SIPA1L1: variants seen among roughly 807,000 people sequenced by gnomAD.
SIPA1L1 encodes signal-induced proliferation-associated 1-like protein 1.
In SIPA1L1, 26 loss-of-function variants were observed where a neutral mutation model predicts 162.7. That is an observed-to-expected ratio of 0.16 (90% confidence interval 0.12 to 0.22). The LOEUF (loss-of-function observed/expected upper bound fraction) is 0.22. SIPA1L1 is among the 10% of genes least tolerant of loss of function. The probability of loss-of-function intolerance (pLI) is 1.00; values close to 1 mark genes in which losing one functional copy is unlikely to be tolerated. For missense variants in SIPA1L1, 1,874 were observed against 2,241.0 expected (o/e 0.84, Z 3.31); for synonymous variants, 829 against 837.4 (o/e 0.99, Z 0.17).
chr14:71,378,863 A>G (rs529479287), intron 2 of SIPA1L1, among the ~76,000 whole-genome samples: 1 of 152,068 alleles, frequency 6.6e-6, no homozygotes, highest in Non-Finnish European at 1.5e-5. Context: ...GTTGCTTTTC[A>G]TAATTATACT....
intron 13 of SIPA1L1, among the ~76,000 whole-genome samples, chr14:71,692,620 A>G (rs936351712): frequency 6.6e-6 from 1 of 152,198 alleles, no homozygotes; most frequent in Admixed American, 6.5e-5. Context: ...CATTCAGGAA[A>G]TGGGCACAAT....
intron 2 of SIPA1L1, among the ~76,000 whole-genome samples, chr14:71,475,581 C>T (rs1339200561): frequency 1.3e-5 from 2 of 151,946 alleles, no homozygotes; most frequent in African/African-American, 4.8e-5. Context: ...CTTGATGTTT[C>T]AATATTGGGA....
intron 2 of SIPA1L1, among the ~76,000 whole-genome samples, chr14:71,397,532 T>C (rs2041303529): frequency 6.6e-6 from 1 of 152,198 alleles, no homozygotes; most frequent in African/African-American, 2.4e-5. Context: ...TGTGTGTGTG[T>C]GCACACATAC....
intron 9 of SIPA1L1, 24 bp from the exon 10 acceptor site, chr14:71,661,286 T>C (rs758688868): frequency 6.2e-7 from 1 of 1,608,830 alleles, no homozygotes; most frequent in Non-Finnish European, 8.5e-7. Context: ...GTTATTTATG[T>C]TGGTTGCTTA....
intron 5 of SIPA1L1, among the ~76,000 whole-genome samples, chr14:71,600,796 G>A (rs1374871300): frequency 2.6e-5 from 4 of 151,860 alleles, no homozygotes; most frequent in African/African-American, 9.7e-5. Context: ...TTACAACTTT[G>A]GTTTAATTTA....
rs371697787 is a variant in SIPA1L1 at position 71,324,342 on chromosome 14, G to T, written c.-465+3161G>T. Among the ~76,000 whole-genome samples the T allele has an allele frequency of 2.0e-5, 3 of 152,266 alleles. No homozygotes were observed. In the South Asian group the frequency reaches 6.2e-4, roughly 32 times the overall value. ...AGGTTATAGAACTGGTTAATGACTA[G>T]GCAGTGATTGGAAGACAGGTGTCCA... On this transcript the variant is annotated intron_variant, in intron 2 of 23. Coordinates refer to ENST00000381232, the MANE Select transcript of SIPA1L1 (RefSeq NM_001386936.1).
At chr14:71,558,770 A>T (rs1009316719) in intron 4 of SIPA1L1, among the ~76,000 whole-genome samples, 1 of 152,050 alleles carries the variant, frequency 6.6e-6, no homozygotes, top group Non-Finnish European at 1.5e-5. Flanking sequence ...TATATACTCA[A>T]ACCTCCAGGG....
intron 10 of SIPA1L1, among the ~76,000 whole-genome samples, chr14:71,664,850 G>A (rs1011103754): frequency 2.0e-5 from 3 of 152,144 alleles, no homozygotes; most frequent in African/African-American, 7.2e-5. Flanking sequence ...ACAGGCTGAA[G>A]TTATATGGAT....
At chr14:71,548,944 CT>C (rs2055519346) in intron 4 of SIPA1L1, among the ~76,000 whole-genome samples, 1 of 150,098 alleles carries the variant, frequency 6.7e-6, no homozygotes, top group Admixed American at 6.6e-5. Context: ...TGAGATATAG[CT>C]TAAAGTTTAT....
At chr14:71,548,028 AT>A (rs886765900) in intron 4 of SIPA1L1, among the ~76,000 whole-genome samples, 1 of 152,178 alleles carries the variant, frequency 6.6e-6, no homozygotes, top group Non-Finnish European at 1.5e-5. Flanking sequence ...AATAGATTTT[AT>A]TTTTGAGCAG....
chr14:71,546,544 G>T (rs2055224564), intron 4 of SIPA1L1, among the ~76,000 whole-genome samples: 1 of 151,744 alleles, frequency 6.6e-6, no homozygotes, highest in African/African-American at 2.4e-5. Flanking sequence ...ATCACGCCTG[G>T]CTAATTTTTG....
intron 19 of SIPA1L1, among the ~76,000 whole-genome samples, chr14:71,728,816 A>T (rs2084477809): frequency 6.6e-6 from 1 of 152,188 alleles, no homozygotes; most frequent in South Asian, 2.1e-4. Context: ...GGATAACTTT[A>T]TTGTTCACGG....
At chr14:71,574,109 C>A in intron 4 of SIPA1L1, 1 of 198,098 alleles carries the variant, frequency 5.0e-6, no homozygotes. Context: ...GATTTTTAAC[C>A]ACCATAAATT....
At position 71,372,772 on chromosome 14, in the gene SIPA1L1, T is replaced by C. The variant is rs148577429; in HGVS notation, c.-465+51591T>C. 1.9e-3 allele frequency among the ~76,000 whole-genome samples: 293 copies of C among 152,290 alleles called. 1 individual carries two copies. The highest frequency in any genetic ancestry group is 6.6e-3 in the African/African-American group (274 of 41,532). Reference sequence around the variant, plus strand: ...AGAATGGCCTGGGGTGTCTGTAATATTCAGTTGCATAATCACAGATTATGC... The same window carrying C: ...AGAATGGCCTGGGGTGTCTGTAATACTCAGTTGCATAATCACAGATTATGC... On this transcript the variant is annotated intron_variant, in intron 2 of 23. Transcript: ENST00000381232.
intron 13 of SIPA1L1, among the ~76,000 whole-genome samples, chr14:71,694,910 G>A (rs947299509): frequency 6.6e-6 from 1 of 152,200 alleles, no homozygotes; most frequent in African/African-American, 2.4e-5. Context: ...GGTGGGGTGG[G>A]ATGGACAGAG....
chr14:71,576,140 A>C (rs1178111390), intron 4 of SIPA1L1, among the ~76,000 whole-genome samples: 3 of 152,222 alleles, frequency 2.0e-5, no homozygotes, highest in Non-Finnish European at 4.4e-5. Context: ...AGAGCCTGAA[A>C]GTCTCACTGG....
At chr14:71,549,159 A>G (rs1398581121) in intron 4 of SIPA1L1, among the ~76,000 whole-genome samples, 1 of 152,166 alleles carries the variant, frequency 6.6e-6, no homozygotes, top group Non-Finnish European at 1.5e-5. Context: ...TTCAAGGGTG[A>G]CCTTGGTGGC....
chr14:71,581,551 A>C (rs934943419), intron 4 of SIPA1L1, among the ~76,000 whole-genome samples: 1 of 152,180 alleles, frequency 6.6e-6, no homozygotes, highest in Admixed American at 6.5e-5. Flanking sequence ...CCCCAGATAT[A>C]TTTGGTAATA....
chr14:71,489,234 G>C (rs2049028622), intron 2 of SIPA1L1, among the ~76,000 whole-genome samples: 1 of 152,120 alleles, frequency 6.6e-6, no homozygotes, highest in Admixed American at 6.5e-5. Flanking sequence ...GATCTGATAG[G>C]CTATCTCTTA....
Sources: allele counts gnomAD v4.1 joint callset (sites outside exome capture counted in the v4.1 genomes callset), GRCh38; gene constraint gnomAD v4.1.1; transcripts MANE v1.5; gene names NCBI Gene and HGNC (gene_info 2026-07-23, HGNC 2026-07-21).